Variants in MCUB observed in about 807,000 individuals in gnomAD.
The protein encoded by MCUB is mitochondrial calcium uniporter dominant negative subunit beta, also known as calcium uniporter regulatory subunit MCUb, mitochondrial.
A neutral mutation model predicts 41.4 loss-of-function variants in MCUB; 46 were observed. The ratio of observed to expected loss-of-function variants is 1.11; its 90% confidence interval spans 0.88 to 1.42. The LOEUF (loss-of-function observed/expected upper bound fraction) is 1.42. Ranked by LOEUF, MCUB falls within the 40% of genes most tolerant of loss-of-function variation. The probability of loss-of-function intolerance (pLI) is 0.00; values close to 1 mark genes in which losing one functional copy is unlikely to be tolerated. For synonymous variants in MCUB, 148 were observed against 148.2 expected (o/e 1.00, Z 0.01); for missense variants, 403 against 404.9 (o/e 1.00, Z 0.04).
At chr4:109,640,182 CAA>C (rs1473021456) in intron 1 of MCUB, among the ~76,000 whole-genome samples, 1 of 152,200 alleles carries the variant, frequency 6.6e-6, no homozygotes, top group Non-Finnish European at 1.5e-5. Flanking sequence ...GGGAATATCT[CAA>C]AGTGCATTAT....
At chr4:109,674,164 T>G in intron 4 of MCUB, 1 of 956,864 alleles carries the variant, frequency 1.0e-6, no homozygotes, top group Non-Finnish European at 1.7e-6. Flanking sequence ...TTGCTTTAGT[T>G]AGACGTCTCA....
At chr4:109,586,056 G>A (rs1431796138) in intron 1 of MCUB, among the ~76,000 whole-genome samples, 1 of 152,118 alleles carries the variant, frequency 6.6e-6, no homozygotes, top group Non-Finnish European at 1.5e-5. Flanking sequence ...TTTCCAACTT[G>A]GTTCCATTCT....
In MCUB at chr4:109,684,309, A is replaced by G. The variant is rs574149768; in HGVS notation, c.613-134A>G. 835 of 599,342 alleles carry G rather than the reference A, an allele frequency of 1.4e-3. 14 individuals are homozygous for G. The East Asian group carries it at 0.024, about 18-fold the overall frequency. 37.1% of individuals were successfully genotyped at this position (599,342 alleles called of 1,614,324 possible). A position where few individuals can be genotyped will look rare whatever the true frequency, so the allele number is the denominator to read the frequency against. On this transcript the variant is annotated intron_variant, in intron 5 of 7. Coordinates refer to ENST00000394650, the MANE Select transcript of MCUB (RefSeq NM_017918.5). ...GATCTCCTGACCTCGTGATCCGCCC[A>G]CCTCGGCCTCCCAGAGTGCTGAGAT...
chr4:109,635,208 G>A (rs1381073066), intron 1 of MCUB, among the ~76,000 whole-genome samples: 1 of 152,150 alleles, frequency 6.6e-6, no homozygotes, highest in Non-Finnish European at 1.5e-5. Context: ...ATCATTGATG[G>A]ACATGTGGGT....
chr4:109,660,845 T>A (rs1044755986), intron 3 of MCUB, among the ~76,000 whole-genome samples: 2 of 151,652 alleles, frequency 1.3e-5, no homozygotes, highest in African/African-American at 2.4e-5. Context: ...AAAAAAAAAA[T>A]TTAACTTCAT....
intron 1 of MCUB, among the ~76,000 whole-genome samples, chr4:109,613,092 C>G (rs748398034): frequency 2.0e-5 from 3 of 151,618 alleles, no homozygotes; most frequent in Non-Finnish European, 4.4e-5. Flanking sequence ...GGCAACAGGA[C>G]CAGACTCCAT....
chr4:109,681,222 C>T (rs1454066369), intron 4 of MCUB, among the ~76,000 whole-genome samples: 2 of 152,046 alleles, frequency 1.3e-5, no homozygotes, highest in African/African-American at 2.4e-5. Flanking sequence ...GATAGAGCAT[C>T]TTCTACAAAG....
chr4:109,669,010 T>C (rs1049781736), intron 4 of MCUB, among the ~76,000 whole-genome samples: 1 of 152,130 alleles, frequency 6.6e-6, no homozygotes, highest in African/African-American at 2.4e-5. Context: ...TAAGCATACA[T>C]AGTCAAAACC....
chr4:109,564,899 TGAGA>T (rs951130445), intron 1 of MCUB, among the ~76,000 whole-genome samples: 5 of 152,162 alleles, frequency 3.3e-5, no homozygotes, highest in Non-Finnish European at 7.4e-5. Flanking sequence ...CATCTTTCTT[TGAGA>T]GAGAACTATA....
intron 4 of MCUB, among the ~76,000 whole-genome samples, chr4:109,665,029 T>C (rs1449351035): frequency 1.3e-5 from 2 of 152,218 alleles, no homozygotes; most frequent in Non-Finnish European, 2.9e-5. Context: ...ATATGCTCTC[T>C]GCACCCCACG....
chr4:109,663,643 A>C (rs1729276021), intron 3 of MCUB, among the ~76,000 whole-genome samples: 1 of 152,046 alleles, frequency 6.6e-6, no homozygotes, highest in Non-Finnish European at 1.5e-5. Flanking sequence ...TTAGCTACTA[A>C]ATTTTTAACC....
intron 1 of MCUB, among the ~76,000 whole-genome samples, chr4:109,646,938 G>A (rs1022471588): frequency 6.6e-6 from 1 of 152,200 alleles, no homozygotes; most frequent in Admixed American, 6.5e-5. Context: ...AAATAACTCA[G>A]CATTGATAGA....
At position 109,685,384 on chromosome 4, in the gene MCUB, T is replaced by A. The variant is rs368558241; in HGVS notation, c.933+17T>A. The A allele has an allele frequency of 5.6e-6, 6 of 1,064,800 alleles. No individual in the cohort carries two copies. Among genetic ancestry groups the A allele is most frequent in the Non-Finnish European group, 8.8e-6 (6 of 684,602 alleles). The allele number at this position is 1,064,800 out of a possible 1,614,324, so 66.0% of individuals were successfully genotyped here. ...CTTGCTAAGGTATACTACAAATACA[T>A]CTTATAGCTGGTTTGTTTGGGAGCC... On this transcript the variant is annotated intron_variant, in intron 7 of 7. Coordinates refer to ENST00000394650, the MANE Select transcript of MCUB (RefSeq NM_017918.5).
intron 1 of MCUB, among the ~76,000 whole-genome samples, chr4:109,642,291 C>T (rs2126140574): frequency 6.6e-6 from 1 of 152,260 alleles, no homozygotes; most frequent in South Asian, 2.1e-4. Flanking sequence ...TGGAATACTA[C>T]TGAGTGAGCC....
chr4:109,573,867 A>ATTTTTT (rs70954166), intron 1 of MCUB, among the ~76,000 whole-genome samples: 12 of 112,518 alleles, frequency 1.1e-4, no homozygotes, highest in African/African-American at 3.2e-4. Flanking sequence ...AAAGGGTTGA[A>ATTTTTT]TTTTTTTTTT....
chr4:109,626,678 T>C (rs2126136831), intron 1 of MCUB, among the ~76,000 whole-genome samples: 1 of 152,142 alleles, frequency 6.6e-6, no homozygotes, highest in South Asian at 2.1e-4. Flanking sequence ...CCAGGCATGG[T>C]GGCATGCGCC....
intron 1 of MCUB, among the ~76,000 whole-genome samples, chr4:109,567,596 G>T (rs1726812337): frequency 6.7e-6 from 1 of 150,036 alleles, no homozygotes; most frequent in Non-Finnish European, 1.5e-5. Flanking sequence ...TTTTAGTAGA[G>T]ACCGAGTTTG....
intron 1 of MCUB, among the ~76,000 whole-genome samples, chr4:109,568,501 C>T (rs1300459048): frequency 6.6e-6 from 1 of 152,066 alleles, no homozygotes; most frequent in African/African-American, 2.4e-5. Context: ...TGGTGTTCCC[C>T]AGGCGGTAGT....
At chr4:109,622,359 G>GA (rs879800793) in intron 1 of MCUB, among the ~76,000 whole-genome samples, 3 of 152,036 alleles carry the variant, frequency 2.0e-5, no homozygotes, top group Admixed American at 6.6e-5. Context: ...TTATTTTAAA[G>GA]AAAAAATTTT....
Sources: allele counts gnomAD v4.1 joint callset (sites outside exome capture counted in the v4.1 genomes callset), GRCh38; gene constraint gnomAD v4.1.1; transcripts MANE v1.5; gene names NCBI Gene and HGNC (gene_info 2026-07-23, HGNC 2026-07-21).